Variants in MYT1L observed in about 807,000 individuals in gnomAD.
MYT1L encodes myelin transcription factor 1 like, also known as myelin transcription factor 1-like protein.
In MYT1L, 12 loss-of-function variants were observed where a neutral mutation model predicts 126.7. The observed-to-expected ratio is 0.09, with a 90% CI of 0.06 to 0.15. The LOEUF (loss-of-function observed/expected upper bound fraction) is 0.15, where lower values mean the gene tolerates loss of function less well. Among genes scored for constraint, MYT1L ranks in the 10% least tolerant of loss-of-function variants. The pLI is 1.00. For missense variants in MYT1L, 979 were observed against 1,585.2 expected, an observed-to-expected ratio of 0.62 and a Z score of 6.49; for synonymous variants, 541 against 604.2, an observed-to-expected ratio of 0.90 and a Z score of 1.53.
chr2:1,986,565 C>T (rs2061039663), intron 5 of MYT1L, among the ~76,000 whole-genome samples: 1 of 152,174 alleles, frequency 6.6e-6, no homozygotes. Flanking sequence ...AGTGGTGATG[C>T]TTTCATAAAA....
At chr2:2,121,547 C>T (rs969073461) in intron 3 of MYT1L, among the ~76,000 whole-genome samples, 11 of 151,874 alleles carry the variant, frequency 7.2e-5, no homozygotes, top group Admixed American at 7.2e-4. Flanking sequence ...AGTGCAGTGG[C>T]GTGATCTTGG....
At chr2:1,957,137 T>C (rs895455471) in intron 8 of MYT1L, among the ~76,000 whole-genome samples, 2 of 152,190 alleles carry the variant, frequency 1.3e-5, no homozygotes, top group African/African-American at 4.8e-5. Context: ...ACCTGCTCCA[T>C]TGAGATAGGG....
At chr2:2,180,843 T>G (rs1160573154) in intron 2 of MYT1L, among the ~76,000 whole-genome samples, 1 of 151,762 alleles carries the variant, frequency 6.6e-6, no homozygotes, top group Non-Finnish European at 1.5e-5. Flanking sequence ...CACCTATATC[T>G]GTACCTGTGT....
intron 5 of MYT1L, among the ~76,000 whole-genome samples, chr2:1,985,596 A>G (rs1452902663): frequency 6.6e-6 from 1 of 152,254 alleles, no homozygotes; most frequent in Non-Finnish European, 1.5e-5. Context: ...GTTTAAACAG[A>G]GAATGACAAC....
intron 2 of MYT1L, among the ~76,000 whole-genome samples, chr2:2,212,558 T>C (rs566899149): frequency 2.7e-4 from 41 of 152,348 alleles, no homozygotes; most frequent in African/African-American, 9.4e-4. Flanking sequence ...TGCTCTGCTG[T>C]ATAGTAAGTA....
Position 1,943,341 on chromosome 2 carries a change from A to T in MYT1L, c.153-7T>A, listed in dbSNP as rs191453776. On this transcript the variant is annotated splice_polypyrimidine_tract_variant and splice_region_variant and intron_variant, in intron 8 of 24. Transcript: ENST00000647738. The surrounding 1 kb of genome is among the most constrained non-coding windows in gnomAD (Gnocchi z 4.4). ...CAAGGGACAACCATATACACTAATT[A>T]AAAAAATAGAGAAGGCAGGGGAGAG... is the stretch of plus-strand genomic sequence containing the variant. The T allele has an allele frequency of 2.4e-3, 3,651 of 1,536,808 alleles. 3 individuals carry two copies. Among genetic ancestry groups the T allele is most frequent in the Admixed American group, 3.5e-3 (160 of 45,988 alleles).
At chr2:2,309,989 C>G (rs2095934725) in intron 1 of MYT1L, among the ~76,000 whole-genome samples, 1 of 151,802 alleles carries the variant, frequency 6.6e-6, no homozygotes, top group Non-Finnish European at 1.5e-5. Context: ...TATACTGTAC[C>G]CATACTCCAC....
intron 1 of MYT1L, among the ~76,000 whole-genome samples, chr2:2,301,631 C>A (rs1195024026): frequency 4.0e-5 from 6 of 151,792 alleles, no homozygotes; most frequent in African/African-American, 1.5e-4. Flanking sequence ...GAGTTCGAGA[C>A]CAGCCTGGGC....
At chr2:2,009,500 A>G (rs1180045465) in intron 4 of MYT1L, among the ~76,000 whole-genome samples, 4 of 152,056 alleles carry the variant, frequency 2.6e-5, no homozygotes. Context: ...TTTTCCAGCT[A>G]GGTTATTATT....
chr2:2,223,381 G>T (rs886605040), intron 2 of MYT1L, among the ~76,000 whole-genome samples: 1 of 152,180 alleles, frequency 6.6e-6, no homozygotes, highest in Non-Finnish European at 1.5e-5. Flanking sequence ...AAGAGTATTT[G>T]AAAAAGTAAC....
intron 21 of MYT1L, among the ~76,000 whole-genome samples, chr2:1,834,694 G>A (rs2040593945): frequency 6.6e-6 from 1 of 152,254 alleles, no homozygotes; most frequent in African/African-American, 2.4e-5. Context: ...GGGCGAGTCA[G>A]TGTTGAATGG....
chr2:2,274,778 G>A (rs575080042), intron 2 of MYT1L, among the ~76,000 whole-genome samples: 7 of 152,286 alleles, frequency 4.6e-5, no homozygotes, highest in African/African-American at 1.7e-4. Context: ...CTCAGAACAC[G>A]TTTAAAGCAT....
At chr2:2,016,181 T>A (rs2064367256) in intron 4 of MYT1L, among the ~76,000 whole-genome samples, 1 of 152,200 alleles carries the variant, frequency 6.6e-6, no homozygotes, top group African/African-American at 2.4e-5. Flanking sequence ...GGTGAAACCA[T>A]ACAAAGCCAC....
At chr2:2,295,511 G>T in intron 1 of MYT1L, among the ~76,000 whole-genome samples, 1 of 151,524 alleles carries the variant, frequency 6.6e-6, no homozygotes, top group Non-Finnish European at 1.5e-5. Context: ...GTGTGGGGGT[G>T]GGGGCAGAGG....
In MYT1L at chr2:2,005,446, G is replaced by A. The variant is rs1200499671; in HGVS notation, c.-157-8099C>T. Among the ~76,000 whole-genome samples, 11 of 145,824 alleles carry A rather than the reference G, an allele frequency of 7.5e-5. No homozygotes were observed. The Admixed American group carries it at 7.6e-4, about 10-fold the overall frequency. On this transcript the variant is annotated intron_variant, in intron 4 of 24. Coordinates refer to ENST00000647738, the MANE Select transcript of MYT1L (RefSeq NM_001303052.2). ...TTCTTTCCTGTGTGCCTTCTTTCCT[G>A]CATGCGTTCTTTCCTGCATGTGTTC...
intron 1 of MYT1L, among the ~76,000 whole-genome samples, chr2:2,295,573 G>T (rs1048632403): frequency 7.0e-6 from 1 of 142,286 alleles, no homozygotes; most frequent in Non-Finnish European, 1.6e-5. Flanking sequence ...GACAGAGAGA[G>T]AGAGAGAGAG....
At position 1,929,066 on chromosome 2, in the gene MYT1L, T is replaced by A. The variant is rs1487537928; in HGVS notation, c.506-5803A>T. ...TATGTGGAGCCCCTGGCTACTCCCC[T>A]GGCCAGGACCAGGCGGAGAAGCGTG... On this transcript the variant is annotated intron_variant, in intron 9 of 24. Coordinates refer to ENST00000647738, the MANE Select transcript of MYT1L (RefSeq NM_001303052.2). The surrounding 1 kb of genome is among the most constrained non-coding windows in gnomAD (Gnocchi z 4.7). 6.6e-6 allele frequency among the ~76,000 whole-genome samples: 1 copy of A among 152,126 alleles called. No homozygotes were observed. Among genetic ancestry groups the A allele is most frequent in the Admixed American group, 6.5e-5 (1 of 15,272 alleles).
intron 1 of MYT1L, among the ~76,000 whole-genome samples, chr2:2,329,468 T>TAAAG (rs2096271818): frequency 6.6e-6 from 1 of 151,844 alleles, no homozygotes; most frequent in Non-Finnish European, 1.5e-5. Flanking sequence ...TTACTGATTC[T>TAAAG]TATAGTCCTC....
chr2:1,985,019 A>T (rs1216972966), intron 5 of MYT1L, among the ~76,000 whole-genome samples: 1 of 152,104 alleles, frequency 6.6e-6, no homozygotes, highest in Non-Finnish European at 1.5e-5. Context: ...CCTCCCCGAC[A>T]GAGTCCTCTT....
Sources: gnomAD v4.1 joint callset for allele counts (sites outside exome capture counted in the v4.1 genomes callset) on GRCh38, gnomAD v4.1.1 for gene constraint, Gnocchi (gnomAD v3.1) non-coding constraint, MANE v1.5 for transcripts, NCBI Gene and HGNC (gene_info 2026-07-23, HGNC 2026-07-21) for gene names.